The following TNIK variants were observed in gnomAD, a reference collection of about 807,000 sequenced individuals.
TNIK encodes TRAF2 and NCK-interacting protein kinase.
TNIK carries 49 observed loss-of-function variants against 191.3 expected under a neutral mutation model. The observed-to-expected ratio is 0.26, with a 90% confidence interval of 0.20 to 0.32. The LOEUF is 0.32. Ranked by LOEUF, TNIK falls within the 10% of genes least tolerant of loss-of-function variation. TNIK has a pLI of 1.00. For synonymous variants in TNIK, 594 were observed against 600.9 expected (o/e 0.99, Z 0.17); for missense variants, 1,155 against 1,702.3 (o/e 0.68, Z 5.66).
At chr3:171,119,347 T>C (rs550399487) in intron 18 of TNIK, among the ~76,000 whole-genome samples, 188 of 152,344 alleles carry the variant, frequency 1.2e-3, no homozygotes, top group African/African-American at 4.4e-3. Flanking sequence ...TTGGTGGGAC[T>C]GTAAACTAGT....
chr3:171,324,783 G>T (rs570141998), intron 2 of TNIK, among the ~76,000 whole-genome samples: 6 of 152,108 alleles, frequency 3.9e-5, no homozygotes, highest in African/African-American at 1.4e-4. Flanking sequence ...GTAGTCGTCA[G>T]AAAGAGACCA....
chr3:171,388,969 G>T (rs1293751115), intron 1 of TNIK, among the ~76,000 whole-genome samples: 1 of 152,170 alleles, frequency 6.6e-6, no homozygotes, highest in Non-Finnish European at 1.5e-5. Context: ...ACACAAAGGA[G>T]TTGATTAATA....
intron 2 of TNIK, among the ~76,000 whole-genome samples, chr3:171,363,587 T>C (rs576294549): frequency 8.4e-4 from 128 of 152,348 alleles, no homozygotes; most frequent in Middle Eastern, 3.4e-3. Context: ...GTGAATAGTA[T>C]AATACATGAT....
intron 2 of TNIK, among the ~76,000 whole-genome samples, chr3:171,342,013 AAAGT>A (rs1320624997): frequency 6.6e-6 from 1 of 152,268 alleles, no homozygotes; most frequent in East Asian, 1.9e-4. Flanking sequence ...ATCTTGGTTT[AAAGT>A]AACTTTGTTA....
At chr3:171,204,204 T>C (rs1739772765) in intron 4 of TNIK, among the ~76,000 whole-genome samples, 1 of 152,214 alleles carries the variant, frequency 6.6e-6, no homozygotes, top group African/African-American at 2.4e-5. Flanking sequence ...AAGGGCTCCC[T>C]TTTTTGATTT....
At chr3:171,396,271 A>C (rs1720240263) in intron 1 of TNIK, among the ~76,000 whole-genome samples, 1 of 152,200 alleles carries the variant, frequency 6.6e-6, no homozygotes, top group South Asian at 2.1e-4. Flanking sequence ...TTCACATAGT[A>C]GCATATATCA....
At chr3:171,248,483 TTAA>T (rs1745862050) in intron 2 of TNIK, among the ~76,000 whole-genome samples, 1 of 152,198 alleles carries the variant, frequency 6.6e-6, no homozygotes, top group Non-Finnish European at 1.5e-5. Flanking sequence ...CTAAAAATGA[TTAA>T]ACTAAGAAAT....
chr3:171,280,884 T>C (rs1750346930), intron 2 of TNIK, among the ~76,000 whole-genome samples: 1 of 152,198 alleles, frequency 6.6e-6, no homozygotes, highest in Non-Finnish European at 1.5e-5. Flanking sequence ...TTACTATATA[T>C]GCTGTTATGT....
intron 1 of TNIK, among the ~76,000 whole-genome samples, chr3:171,432,860 T>C (rs1179241302): frequency 6.6e-6 from 1 of 152,172 alleles, no homozygotes; most frequent in Non-Finnish European, 1.5e-5. Context: ...TTTCATGTAA[T>C]GACCAATTTA....
intron 3 of TNIK, among the ~76,000 whole-genome samples, chr3:171,221,451 AATC>A (rs963024150): frequency 3.9e-5 from 6 of 152,120 alleles, no homozygotes; most frequent in African/African-American, 7.2e-5. Flanking sequence ...CTTTCTCAGA[AATC>A]ATTTATTGGC....
intron 22 of TNIK, among the ~76,000 whole-genome samples, chr3:171,097,673 G>A (rs2108435066): frequency 6.6e-6 from 1 of 152,334 alleles, no homozygotes; most frequent in East Asian, 1.9e-4. Flanking sequence ...CTTCCACCAT[G>A]ATTGTGAGGC....
chr3:171,334,259 T>C (rs1305280121), intron 2 of TNIK, among the ~76,000 whole-genome samples: 4 of 152,196 alleles, frequency 2.6e-5, no homozygotes, highest in Non-Finnish European at 5.9e-5. Flanking sequence ...TTGCCCTTGC[T>C]CTCTCTCGCT....
intron 3 of TNIK, among the ~76,000 whole-genome samples, chr3:171,221,315 T>A (rs1742306526): frequency 6.6e-6 from 1 of 152,168 alleles, no homozygotes; most frequent in South Asian, 2.1e-4. Context: ...GAGCTTCAGA[T>A]GGGAATCCCC....
At chr3:171,275,089 T>C (rs902818914) in intron 2 of TNIK, among the ~76,000 whole-genome samples, 2 of 151,966 alleles carry the variant, frequency 1.3e-5, no homozygotes, top group Non-Finnish European at 2.9e-5. Context: ...CCTCTCCTCC[T>C]CTCCATCAAC....
chr3:171,246,187 A>G (rs753175406), intron 2 of TNIK, among the ~76,000 whole-genome samples: 9 of 152,206 alleles, frequency 5.9e-5, no homozygotes, highest in Non-Finnish European at 1.0e-4. Flanking sequence ...CTCAAGTCAA[A>G]GAAAAAGATA....
chr3:171,408,919 G>A (rs574422668), intron 1 of TNIK, among the ~76,000 whole-genome samples: 43 of 152,220 alleles, frequency 2.8e-4, no homozygotes, highest in African/African-American at 1.0e-3. Context: ...ACTCGCAACT[G>A]CACATCAGGG....
Position 171,060,986 on chromosome 3 carries a change from AC to A in TNIK, c.*2894del, listed in dbSNP as rs1217597343. Among the ~76,000 whole-genome samples, 4 of 152,268 alleles carry A rather than the reference AC, an allele frequency of 2.6e-5. No homozygotes were observed. In the South Asian group the frequency reaches 8.3e-4, roughly 32 times the overall value. On this transcript the variant is annotated 3_prime_UTR_variant, in exon 33 of 33. Transcript: ENST00000436636. The stretch of plus-strand genomic sequence containing the variant: ...AAATAAAATGAGCCAATTTCTAGAG[AC>A]AAAATCACCTATAAAAAGATCAGAA...
chr3:171,309,528 T>C (rs866736657), intron 2 of TNIK, among the ~76,000 whole-genome samples: 1 of 152,018 alleles, frequency 6.6e-6, no homozygotes, highest in African/African-American at 2.4e-5. Flanking sequence ...TAGAACAAAC[T>C]TGCACGTGCA....
At chr3:171,162,968 T>A (rs929258278) in intron 10 of TNIK, among the ~76,000 whole-genome samples, 2 of 152,106 alleles carry the variant, frequency 1.3e-5, no homozygotes, top group Non-Finnish European at 2.9e-5. Context: ...AGACTTGAAG[T>A]CTTTGGAGAA....
Sources: gnomAD v4.1 joint callset for allele counts (sites outside exome capture counted in the v4.1 genomes callset) on GRCh38, gnomAD v4.1.1 for gene constraint, MANE v1.5 for transcripts, NCBI Gene and HGNC (gene_info 2026-07-23, HGNC 2026-07-21) for gene names.